Variants in ANKRD7 observed in about 807,000 individuals in gnomAD.
ANKRD7 encodes the protein ankyrin repeat domain 7.
A neutral mutation model predicts 30.8 loss-of-function variants in ANKRD7; 30 were observed. That is an observed-to-expected ratio of 0.97 (90% CI 0.73 to 1.32). The LOEUF (loss-of-function observed/expected upper bound fraction) is 1.32, where lower values mean the gene tolerates loss of function less well. ANKRD7 is among the 40% of genes most tolerant of loss of function. The pLI, the probability that ANKRD7 is intolerant of heterozygous loss-of-function variation, is 0.00. For synonymous variants in ANKRD7, 97 were observed against 106.6 expected (o/e 0.91, Z 0.55); for missense variants, 264 against 295.7 (o/e 0.89, Z 0.79).
chr7:118,232,496 C>T (rs917450388), intron 1 of ANKRD7, among the ~76,000 whole-genome samples: 2 of 152,056 alleles, frequency 1.3e-5, no homozygotes, highest in African/African-American at 4.8e-5. Context: ...TCAACACCTC[C>T]TTTGAAAGTG....
chr7:118,231,077 A>T (rs1220568964), intron 1 of ANKRD7, among the ~76,000 whole-genome samples: 1 of 152,070 alleles, frequency 6.6e-6, no homozygotes, highest in Non-Finnish European at 1.5e-5. Context: ...GAGAGTCAAG[A>T]TCTGAGTTTG....
rs73716934 is a variant in ANKRD7, at chr7:118,234,920, T to C, written c.468+46T>C. 6.9e-5 allele frequency: 100 copies of C among 1,459,538 alleles called. No individual in the cohort carries two copies. In the African/African-American group the frequency reaches 1.3e-3, roughly 18 times the overall value. The allele number at this position is 1,459,538 out of a possible 1,614,324, so 90.4% of individuals were successfully genotyped here. A position where few individuals can be genotyped will look rare whatever the true frequency, so the allele number is the denominator to read the frequency against. Reference sequence around the variant, plus strand: ...AAAATCCTGTATTTTAGAAAGCAACTGAAGAGCATATTTCAGATAATTCAT... The same window carrying C: ...AAAATCCTGTATTTTAGAAAGCAACCGAAGAGCATATTTCAGATAATTCAT... On this transcript the variant is annotated intron_variant, in intron 3 of 6. Coordinates refer to ENST00000265224, the MANE Select transcript of ANKRD7 (RefSeq NM_019644.4).
Position 118,236,121 on chromosome 7 carries a change from T to G in ANKRD7, c.549T>G (p.Asp183Glu). 1 of 1,598,362 alleles carries G rather than the reference T, an allele frequency of 6.3e-7. No homozygotes were observed. The highest frequency in any genetic ancestry group is 1.1e-5 in the South Asian group (1 of 89,502). The change falls in exon 4 of 7, where the codon GAT becomes GAG. Residue 183 changes from aspartate to glutamate, a missense_variant. Coordinates refer to ENST00000265224, the MANE Select transcript of ANKRD7 (RefSeq NM_019644.4). ...AATTTCTTCTGGAGAAAGGGGCTGA[T>G]GTGAATGCTTCAGATAATTATCAAA... ...MVKFLLEKGA[D>E]VNASDNYQRT...
At chr7:118,240,759 C>T (rs4730840) in intron 6 of ANKRD7, among the ~76,000 whole-genome samples, 5,047 of 151,764 alleles carry the variant, frequency 0.033, 142 homozygotes, top group East Asian at 0.078. Flanking sequence ...ATAAGATATA[C>T]GAATTAATTA....
chr7:118,231,852 C>T (rs1280831318), intron 1 of ANKRD7, among the ~76,000 whole-genome samples: 1 of 151,974 alleles, frequency 6.6e-6, no homozygotes, highest in East Asian at 1.9e-4. Context: ...CATCGGTTAG[C>T]CTGAAAACCT....
At chr7:118,229,620 G>T (rs1389788501) in intron 1 of ANKRD7, among the ~76,000 whole-genome samples, 1 of 152,036 alleles carries the variant, frequency 6.6e-6, no homozygotes, top group African/African-American at 2.4e-5. Flanking sequence ...AAAAATATGG[G>T]TGAATCTTGA....
At chr7:118,233,290 T>C (rs1169959168) in intron 1 of ANKRD7, among the ~76,000 whole-genome samples, 2 of 152,140 alleles carry the variant, frequency 1.3e-5, no homozygotes, top group East Asian at 1.9e-4. Flanking sequence ...TATTCTGTTA[T>C]GTTAGCTGAC....
rs117395317 is a variant in ANKRD7 at position 118,234,422 on chromosome 7, T to C, written c.180-9T>C. ...ATCTCTAACTTTGTGTTTTGTTTTA[T>C]TGACATAGAACACCTTTGCACCTAG... is the stretch of plus-strand genomic sequence containing the variant. On this transcript the variant is annotated splice_polypyrimidine_tract_variant and intron_variant, in intron 1 of 6. Coordinates refer to ENST00000265224, the MANE Select transcript of ANKRD7 (RefSeq NM_019644.4). The C allele has an allele frequency of 0.014, 22,346 of 1,551,272 alleles. 412 individuals carry two copies. The highest frequency in any genetic ancestry group is 0.078 in the East Asian group (3,396 of 43,794).
intron 1 of ANKRD7, among the ~76,000 whole-genome samples, chr7:118,227,647 A>G (rs528900023): frequency 6.6e-6 from 1 of 152,194 alleles, no homozygotes; most frequent in Non-Finnish European, 1.5e-5. Context: ...CACTTATGAA[A>G]AATTTCCTCA....
Position 118,234,814 on chromosome 7 carries a change from A to G in ANKRD7, c.408A>G (p.Gln136=). Residue 136 remains glutamine (Q), a synonymous_variant, in exon 3 of 7, where the codon CAA becomes CAG. Coordinates refer to ENST00000265224, the MANE Select transcript of ANKRD7 (RefSeq NM_019644.4). ...TTCTTCACTATGCTGTTTGTGGTCAAAGTTTGTCATTAGTTGAAAAACTGC... is the reference window on the plus strand; with the variant it reads ...TTCTTCACTATGCTGTTTGTGGTCAGAGTTTGTCATTAGTTGAAAAACTGC... ...NTVLHYAVCG[Q]SLSLVEKLLE... The G allele has an allele frequency of 1.9e-6, 3 of 1,612,538 alleles. No homozygotes were observed. The highest frequency in any genetic ancestry group is 1.7e-5 in the Admixed American group (1 of 59,626).
rs893854664 is a variant in ANKRD7 at position 118,241,495 on chromosome 7, C to T, written c.*38-854C>T. On this transcript the variant is annotated intron_variant, in intron 6 of 6. Coordinates refer to ENST00000265224, the MANE Select transcript of ANKRD7 (RefSeq NM_019644.4). ...GTCCTATCAATTCCAGGTGAATAAACTTAGGGGAGAATTTCTCTGAATTAC... is the reference window on the plus strand; with the variant it reads ...GTCCTATCAATTCCAGGTGAATAAATTTAGGGGAGAATTTCTCTGAATTAC... 8.2e-5 allele frequency among the ~76,000 whole-genome samples: 11 copies of T among 133,826 alleles called. No homozygotes were observed. In the East Asian group the frequency reaches 1.6e-3, roughly 19 times the overall value. The allele number at this position is 133,826 out of a possible 152,430, so 87.8% of individuals were successfully genotyped here.
intron 5 of ANKRD7, among the ~76,000 whole-genome samples, chr7:118,239,404 CACAA>C (rs766078514): frequency 9.9e-5 from 15 of 152,108 alleles, no homozygotes; most frequent in Non-Finnish European, 1.9e-4. Context: ...AATTGCCTTC[CACAA>C]TGTCAGTCCC....
chr7:118,239,280 G>A lies in ANKRD7; in HGVS notation c.713-629G>A, dbSNP rs895869866. Among the ~76,000 whole-genome samples, 91 of 152,158 alleles carry A rather than the reference G, an allele frequency of 6.0e-4. 1 individual carries two copies. Among genetic ancestry groups the A allele is most frequent in the African/African-American group, 2.1e-3 (88 of 41,434 alleles). ...AGGAGCACAAACCCTCTTGTGAACC[G>A]CTTTGCAAAGGATCTAGTTTGTGGT... On this transcript the variant is annotated intron_variant, in intron 5 of 6. Coordinates refer to ENST00000265224, the MANE Select transcript of ANKRD7 (RefSeq NM_019644.4).
At position 118,224,725 on chromosome 7, in the gene ANKRD7, T is replaced by A. The variant is rs529203310; in HGVS notation, c.-106T>A. 4.0e-5 allele frequency: 61 copies of A among 1,513,384 alleles called. No homozygotes were observed. The highest frequency in any genetic ancestry group is 5.1e-5 in the Non-Finnish European group (58 of 1,135,536). 93.7% of individuals were successfully genotyped at this position (1,513,384 alleles called of 1,614,324 possible). On this transcript the variant is annotated 5_prime_UTR_variant, in exon 1 of 7. Transcript: ENST00000265224. ...TTCCAGCATTTCCACTTTCGTCAGG[T>A]ACTGGAGAGGGCTGCCGGCCGGATG...
At position 118,224,853 on chromosome 7, in the gene ANKRD7, G is replaced by C. The variant is rs1311639378; in HGVS notation, c.23G>C (p.Trp8Ser). Residue 8 changes from tryptophan to serine, a missense_variant, in exon 1 of 7, where the codon TGG (tryptophan) becomes TCG (serine). Coordinates refer to ENST00000265224, the MANE Select transcript of ANKRD7 (RefSeq NM_019644.4). ...GCCATGAATAAGCTTTTCAGCTTCTGGAAGAGGAAGAATGAGACCCGCAGC... is the reference window on the plus strand; with the variant it reads ...GCCATGAATAAGCTTTTCAGCTTCTCGAAGAGGAAGAATGAGACCCGCAGC... MNKLFSF[W>S]KRKNETRSQG... The C allele has an allele frequency of 6.2e-7, 1 of 1,613,320 alleles. No homozygotes were observed. The highest frequency in any genetic ancestry group is 1.1e-5 in the South Asian group (1 of 91,026).
intron 3 of ANKRD7, 60 bp from the exon 4 acceptor site, chr7:118,235,981 A>T (rs1243012055): frequency 5.6e-6 from 5 of 896,574 alleles, no homozygotes; most frequent in Non-Finnish European, 8.7e-6. Context: ...GTTGAACTTA[A>T]ATCTAAAGAG....
intron 1 of ANKRD7, among the ~76,000 whole-genome samples, chr7:118,227,385 T>C (rs952555597): frequency 6.6e-6 from 1 of 152,198 alleles, no homozygotes; most frequent in Admixed American, 6.5e-5. Flanking sequence ...CTCTTTCTTA[T>C]CATATGGCAC....
rs993815043 is a variant in ANKRD7 at position 118,224,970 on chromosome 7, T to A, written c.140T>A (p.Ile47Asn). ...DLKKLKEYLQIKKYDVNMQDK... is the reference protein window; with the variant it reads ...DLKKLKEYLQNKKYDVNMQDK... ...AAGAAGCTGAAGGAATACCTTCAGATCAAGAAATATGATGTAAATATGCAG... is the reference window on the plus strand; with the variant it reads ...AAGAAGCTGAAGGAATACCTTCAGAACAAGAAATATGATGTAAATATGCAG... Residue 47 changes from isoleucine (I) to asparagine (N), a missense_variant, in exon 1 of 7, where the codon ATC becomes AAC. Coordinates refer to ENST00000265224, the MANE Select transcript of ANKRD7 (RefSeq NM_019644.4). 2.5e-6 allele frequency: 4 copies of A among 1,614,008 alleles called. No homozygotes were observed.
Position 118,234,377 on chromosome 7 carries a change from A to G in ANKRD7, c.180-54A>G. 3 of 1,260,678 alleles carry G rather than the reference A, an allele frequency of 2.4e-6. No homozygotes were observed. The South Asian group carries it at 4.4e-5, about 19-fold the overall frequency. 78.1% of individuals were successfully genotyped at this position (1,260,678 alleles called of 1,614,324 possible). Reference sequence around the variant, plus strand: ...TGGCTTGTTTTTGGGTAAAACAAGTAACTTCTCAAACGAAGACTTATCTCT... The same window carrying G: ...TGGCTTGTTTTTGGGTAAAACAAGTGACTTCTCAAACGAAGACTTATCTCT... On this transcript the variant is annotated intron_variant, in intron 1 of 6. Transcript: ENST00000265224.
Sources: gnomAD v4.1 joint callset for allele counts (sites outside exome capture counted in the v4.1 genomes callset) on GRCh38, gnomAD v4.1.1 for gene constraint, MANE v1.5 for transcripts, NCBI Gene and HGNC (gene_info 2026-07-23, HGNC 2026-07-21) for gene names.